The following CLCN1 variants were observed in gnomAD, a reference collection of about 807,000 sequenced individuals.
CLCN1 encodes chloride voltage-gated channel 1.
A neutral mutation model predicts 114.5 loss-of-function variants in CLCN1; 100 were observed. That is an observed-to-expected ratio of 0.87 (90% CI 0.74 to 1.03). CLCN1 has a LOEUF of 1.03. CLCN1 is among the 50% of genes least tolerant of loss of function. The pLI is 0.00. For synonymous variants in CLCN1, 485 were observed against 487.1 expected (o/e 1.00, Z 0.06); for missense variants, 1,188 against 1,250.0 (o/e 0.95, Z 0.75).
chr7:143,351,368 C>T (rs1400794171), intron 22 of CLCN1, among the ~76,000 whole-genome samples: 2 of 152,122 alleles, frequency 1.3e-5, no homozygotes, highest in African/African-American at 4.8e-5. Context: ...GGGTCTGAGT[C>T]TGGGCAGGTG....
intron 12 of CLCN1, among the ~76,000 whole-genome samples, chr7:143,338,059 T>C (rs1320215303): frequency 1.3e-5 from 2 of 152,086 alleles, no homozygotes; most frequent in Non-Finnish European, 2.9e-5. Flanking sequence ...TTAGCCAGAA[T>C]GGTCTTGATC....
chr7:143,321,633 A>G lies in CLCN1; in HGVS notation c.563-82A>G. The stretch of plus-strand genomic sequence containing the variant: ...CACCACTGCCTCTTCAGCCCTCTCC[A>G]ATTCCCATTCCCATATTCTGGACAT... On this transcript the variant is annotated intron_variant, in intron 4 of 22. Transcript: ENST00000343257. The surrounding 1 kb of genome is among the most constrained non-coding windows in gnomAD (Gnocchi z 4.2). The G allele has an allele frequency of 6.2e-7, 1 of 1,607,576 alleles. No individual in the cohort carries two copies. Among genetic ancestry groups the G allele is most frequent in the Non-Finnish European group, 8.5e-7 (1 of 1,174,802 alleles).
chr7:143,317,982 G>A (rs1271624298), intron 1 of CLCN1, among the ~76,000 whole-genome samples: 2 of 152,172 alleles, frequency 1.3e-5, no homozygotes, highest in Admixed American at 6.5e-5. Flanking sequence ...GGGAAGCTAT[G>A]GTTAGTTTGG....
intron 20 of CLCN1, among the ~76,000 whole-genome samples, chr7:143,349,958 G>A (rs1368230281): frequency 1.3e-5 from 2 of 152,206 alleles, no homozygotes; most frequent in Non-Finnish European, 2.9e-5. Context: ...AGGAACTCCA[G>A]ATGGTCAGAA....
In CLCN1 at chr7:143,324,468, T is replaced by C. The variant is rs757109632; in HGVS notation, c.829T>C (p.Cys277Arg). The part of the protein sequence containing the change: ...LTVGCAVGVG[C>R]CFGTPLGGVL... ...GGTGGGCTGTGCTGTGGGAGTCGGC[T>C]GTTGTTTTGGGACACCACTTGGAGG... Residue 277 changes from cysteine (C) to arginine (R), a missense_variant, in exon 7 of 23, where the codon TGT (cysteine) becomes CGT (arginine). By Grantham distance (180) the Cys-to-Arg change is radical. Coordinates refer to ENST00000343257, the MANE Select transcript of CLCN1 (RefSeq NM_000083.3). The surrounding 1 kb of genome is among the most constrained non-coding windows in gnomAD (Gnocchi z 4.6). 6 of 1,613,896 alleles carry C rather than the reference T, an allele frequency of 3.7e-6. No individual in the cohort carries two copies. The African/African-American group carries it at 8.0e-5, about 22-fold the overall frequency.
chr7:143,321,340 T>C lies in CLCN1; in HGVS notation c.434-25T>C. 1 of 1,613,900 alleles carries C rather than the reference T, an allele frequency of 6.2e-7. No homozygotes were observed. Among genetic ancestry groups the C allele is most frequent in the Non-Finnish European group, 8.5e-7 (1 of 1,179,920 alleles). On this transcript the variant is annotated intron_variant, in intron 3 of 22. Transcript: ENST00000343257. The surrounding 1 kb of genome is among the most constrained non-coding windows in gnomAD (Gnocchi z 4.2). ...CACGGCTGCTCAGCCATGTTCTGCC[T>C]AACCCCAGGCATGTGTCTCCGCAGC...
In CLCN1 at chr7:143,316,298, A is replaced by C. The variant is rs146160029; in HGVS notation, c.86A>C (p.His29Pro). The change falls in exon 1 of 23, where the codon CAC becomes CCC. Residue 29 changes from histidine to proline, a missense_variant. Physicochemically the swap from His to Pro is moderately conservative, Grantham distance 77. Coordinates refer to ENST00000343257, the MANE Select transcript of CLCN1 (RefSeq NM_000083.3). ...DPQYQYMPFE[H>P]CTSYGLPSEN... ...CAGTACCAGTATATGCCCTTTGAAC[A>C]CTGCACCAGCTACGGACTGCCCTCT... 6,030 of 1,613,774 alleles carry C rather than the reference A, an allele frequency of 3.7e-3. 15 individuals carry two copies. Among genetic ancestry groups the C allele is most frequent in the Middle Eastern group, 6.9e-3 (42 of 6,060 alleles).
chr7:143,321,857 G>A lies in CLCN1; in HGVS notation c.696+9G>A. 1 of 1,613,814 alleles carries A rather than the reference G, an allele frequency of 6.2e-7. No individual in the cohort carries two copies. Among genetic ancestry groups the A allele is most frequent in the Non-Finnish European group, 8.5e-7 (1 of 1,179,860 alleles). ...TCCCCGTGGGGAAAGAGGTAGGCCT[G>A]GCATGACTGAAGCCAGAGCTGGGAG... On this transcript the variant is annotated intron_variant, in intron 5 of 22. Coordinates refer to ENST00000343257, the MANE Select transcript of CLCN1 (RefSeq NM_000083.3). The surrounding 1 kb of genome is among the most constrained non-coding windows in gnomAD (Gnocchi z 4.2).
rs770027057 is a variant in CLCN1 at position 143,320,625 on chromosome 7, G to GTTGT, written c.302-24_302-21dup. ...TATATTTTTGTTTGTTTGTTTGTTT[G>GTTGT]TTGTTTGTTTGTTTGTTTTTTCCCT... On this transcript the variant is annotated intron_variant, in intron 2 of 22. Coordinates refer to ENST00000343257, the MANE Select transcript of CLCN1 (RefSeq NM_000083.3). 1.2e-4 allele frequency: 187 copies of GTTGT among 1,512,422 alleles called. 1 individual carries two copies. The highest frequency in any genetic ancestry group is 4.6e-4 in the African/African-American group (33 of 71,812). The allele number at this position is 1,512,422 out of a possible 1,614,324, so 93.7% of individuals were successfully genotyped here.
rs1434585576 is a variant in CLCN1 at position 143,316,260 on chromosome 7, G to C, written c.48G>C (p.Trp16Cys). The C allele has an allele frequency of 3.1e-6, 5 of 1,613,674 alleles. No individual in the cohort carries two copies. The African/African-American group carries it at 4.0e-5, about 13-fold the overall frequency. ...SQQRGGEQSW[W>C]GSDPQYQYMP... The stretch of plus-strand genomic sequence containing the variant: ...AGCGTGGGGGTGAACAAAGCTGGTG[G>C]GGTAGTGACCCCCAGTACCAGTATA... Residue 16 changes from tryptophan (W) to cysteine (C), a missense_variant, in exon 1 of 23, where the codon TGG becomes TGC. Transcript: ENST00000343257.
At chr7:143,331,014 G>A (rs1802708064) in intron 8 of CLCN1, 117 bp downstream of exon 8, 2 of 1,489,702 alleles carry the variant, frequency 1.3e-6, no homozygotes, top group South Asian at 2.3e-5. Flanking sequence ...TCATTTGTGG[G>A]GTGGGACCAA....
rs1803357370 is a variant in CLCN1, at chr7:143,350,319, T to C, written c.2404-53T>C. The C allele has an allele frequency of 1.4e-6, 2 of 1,443,532 alleles. No homozygotes were observed. Among genetic ancestry groups the C allele is most frequent in the Non-Finnish European group, 1.9e-6 (2 of 1,032,420 alleles). The allele number at this position is 1,443,532 out of a possible 1,614,324, so 89.4% of individuals were successfully genotyped here. A position where few individuals can be genotyped will look rare whatever the true frequency, so the allele number is the denominator to read the frequency against. ...CCGTTTGGGGTCAAAATCAGGTATC[T>C]GGGGTGAAAGGAGGCTCTGTGATTT... On this transcript the variant is annotated intron_variant, in intron 20 of 22. Transcript: ENST00000343257. The surrounding 1 kb of genome is among the most constrained non-coding windows in gnomAD (Gnocchi z 5.1).
At chr7:143,348,884 G>T (rs911674611) in intron 20 of CLCN1, among the ~76,000 whole-genome samples, 1 of 152,160 alleles carries the variant, frequency 6.6e-6, no homozygotes, top group Non-Finnish European at 1.5e-5. Context: ...AGCAGTCAAG[G>T]TTAGAAGCCC....
chr7:143,342,785 A>G (rs1218976399), intron 16 of CLCN1, among the ~76,000 whole-genome samples: 1 of 152,196 alleles, frequency 6.6e-6, no homozygotes, highest in Non-Finnish European at 1.5e-5. Flanking sequence ...CCTGACCAAC[A>G]TGGAGAAACC....
In CLCN1 at chr7:143,351,935, CGAG is replaced by C; in HGVS notation, c.2943_2945del (p.Glu981del). On this transcript the variant is annotated inframe_deletion, in exon 23 of 23. Transcript: ENST00000343257. ...AGGGCCCCAGCCTGCGATCCACAGA[CGAG>C]GAGGATGAGGATGAACTGATCCTTT... 1.2e-6 allele frequency: 2 copies of C among 1,613,340 alleles called. No homozygotes were observed. Among genetic ancestry groups the C allele is most frequent in the Non-Finnish European group, 8.5e-7 (1 of 1,180,038 alleles).
At chr7:143,342,206 GA>G in intron 15 of CLCN1, 64 bp downstream of exon 15, 2 of 1,551,604 alleles carry the variant, frequency 1.3e-6, no homozygotes, top group Non-Finnish European at 1.8e-6. Flanking sequence ...CTGAGGCTGA[GA>G]CTGAGCTTAG....
chr7:143,342,456 C>G lies in CLCN1; in HGVS notation c.1881C>G (p.Thr627=), dbSNP rs780443356. The part of the protein sequence containing the change: ...SASYTYGELR[T]LLQTTTVKTL... ...CTTACACATATGGGGAGTTGCGAAC[C>G]CTGCTCCAGACCACCACAGTCAAGA... Residue 627 remains threonine (T), a synonymous_variant, in exon 16 of 23, where the codon ACC becomes ACG. Transcript: ENST00000343257. The G allele has an allele frequency of 1.2e-6, 2 of 1,614,066 alleles. No homozygotes were observed. The highest frequency in any genetic ancestry group is 1.7e-6 in the Non-Finnish European group (2 of 1,180,012).
rs188567247 is a variant in CLCN1, at chr7:143,321,073, C to T, written c.433+278C>T. Among the ~76,000 whole-genome samples, 72 of 152,286 alleles carry T rather than the reference C, an allele frequency of 4.7e-4. No homozygotes were observed. The highest frequency in any genetic ancestry group is 1.7e-3 in the African/African-American group (71 of 41,576). ...CCCAGGGACTTTCCCAGTTTCAGCA[C>T]TGAACATCCCGAATCCCAGGAAGCC... On this transcript the variant is annotated intron_variant, in intron 3 of 22. Coordinates refer to ENST00000343257, the MANE Select transcript of CLCN1 (RefSeq NM_000083.3). This position sits in a 1 kb window ranked among gnomAD's most constrained non-coding sequence, Gnocchi z 4.2.
chr7:143,342,564 A>G, intron 16 of CLCN1, 59 bp downstream of exon 16: 1 of 1,572,608 alleles, frequency 6.4e-7, no homozygotes, highest in Non-Finnish European at 8.7e-7. Flanking sequence ...GGTCACATAG[A>G]GGTAGAGGAG....
Sources: gnomAD v4.1 joint callset for allele counts (sites outside exome capture counted in the v4.1 genomes callset) on GRCh38, gnomAD v4.1.1 for gene constraint, Gnocchi (gnomAD v3.1) non-coding constraint, MANE v1.5 for transcripts, NCBI Gene and HGNC (gene_info 2026-07-23, HGNC 2026-07-21) for gene names.